VPS37A: variants seen among roughly 807,000 people sequenced by gnomAD.
The protein encoded by VPS37A is vacuolar protein sorting-associated protein 37A.
A neutral mutation model predicts 49.8 loss-of-function variants in VPS37A; 30 were observed. The observed-to-expected ratio is 0.60, with a 90% CI of 0.45 to 0.82. The LOEUF is 0.82. VPS37A is among the 40% of genes least tolerant of loss of function. The pLI is 0.00. For missense variants in VPS37A, 593 were observed against 464.4 expected (o/e 1.28, Z -2.55); for synonymous variants, 195 against 160.6 (o/e 1.21, Z -1.62).
chr8:17,315,260 T>C, the VPS37A span, among the ~76,000 whole-genome samples: 2 of 152,180 alleles, frequency 1.3e-5, no homozygotes, highest in Non-Finnish European at 2.9e-5. Context: ...ACATATTATA[T>C]GATGTCAACT....
chr8:17,325,590 G>A, the VPS37A span, among the ~76,000 whole-genome samples: 9 of 152,146 alleles, frequency 5.9e-5, no homozygotes, highest in Admixed American at 4.6e-4. Flanking sequence ...GAGCTGACGC[G>A]GGGCCTGCGT....
downstream of VPS37A, among the ~76,000 whole-genome samples, chr8:17,301,184 GAT>G (rs2150457880): frequency 6.6e-6 from 1 of 152,352 alleles, no homozygotes; most frequent in South Asian, 2.1e-4. Context: ...AAAAGAGATA[GAT>G]AAATACAGAC....
the VPS37A span, among the ~76,000 whole-genome samples, chr8:17,319,963 G>C: frequency 9.9e-5 from 15 of 152,196 alleles, no homozygotes; most frequent in South Asian, 2.5e-3. Context: ...TGTCTGATCA[G>C]GATTGAGATA....
the VPS37A span, among the ~76,000 whole-genome samples, chr8:17,325,085 AGG>A: frequency 0.012 from 1,771 of 152,240 alleles, 16 homozygotes; most frequent in Non-Finnish European, 0.02. Context: ...TAAAGACATG[AGG>A]TACGGAAGAA....
chr8:17,319,383 G>T, the VPS37A span, among the ~76,000 whole-genome samples: 3 of 152,214 alleles, frequency 2.0e-5, no homozygotes, highest in Non-Finnish European at 4.4e-5. Context: ...TCCAGCAGGG[G>T]TGTCCTGGGA....
intron 11 of VPS37A, among the ~76,000 whole-genome samples, chr8:17,290,209 G>A (rs1816008590): frequency 6.6e-6 from 1 of 152,040 alleles, no homozygotes; most frequent in Non-Finnish European, 1.5e-5. Context: ...TTGCCTCATT[G>A]CACTGGCCAG....
chr8:17,294,265 G>C (rs1816411790), intron 11 of VPS37A, among the ~76,000 whole-genome samples: 3 of 152,184 alleles, frequency 2.0e-5, no homozygotes, highest in Non-Finnish European at 4.4e-5. Context: ...GGGGAAAACA[G>C]ACTACTCAAA....
In VPS37A at chr8:17,280,361, A is replaced by T; in HGVS notation, c.901-14A>T. 6.2e-7 allele frequency: 1 copy of T among 1,603,328 alleles called. No individual in the cohort carries two copies. The highest frequency in any genetic ancestry group is 8.5e-7 in the Non-Finnish European group (1 of 1,176,820). On this transcript the variant is annotated splice_polypyrimidine_tract_variant and intron_variant, in intron 8 of 11. Coordinates refer to ENST00000324849, the MANE Select transcript of VPS37A (RefSeq NM_152415.3). ...AAAAATAGAATAAAACAACCTTTTC[A>T]TTTTCTCTTTTAGTATGAATTACTT...
At position 17,280,231 on chromosome 8, in the gene VPS37A, T is replaced by C; in HGVS notation, c.842-8T>C. On this transcript the variant is annotated splice_polypyrimidine_tract_variant and splice_region_variant and intron_variant, in intron 7 of 11. Coordinates refer to ENST00000324849, the MANE Select transcript of VPS37A (RefSeq NM_152415.3). ...TACCTAGAAGTAAACTAGAGATTTA[T>C]CTTACAGGAAAAAATCTCCTTTTGG... The C allele has an allele frequency of 6.2e-7, 1 of 1,612,634 alleles. No homozygotes were observed. Among genetic ancestry groups the C allele is most frequent in the African/African-American group, 1.3e-5 (1 of 74,986 alleles).
chr8:17,329,793 C>G, the VPS37A span, among the ~76,000 whole-genome samples: 3 of 152,178 alleles, frequency 2.0e-5, no homozygotes, highest in African/African-American at 7.2e-5. Flanking sequence ...GCATGATAAT[C>G]TCCAAAAGTT....
intron 4 of VPS37A, among the ~76,000 whole-genome samples, chr8:17,269,250 C>A (rs909885178): frequency 2.0e-5 from 3 of 152,022 alleles, no homozygotes; most frequent in African/African-American, 4.8e-5. Context: ...TTTCACTAAA[C>A]TTCCTTTCTC....
intron 11 of VPS37A, among the ~76,000 whole-genome samples, chr8:17,294,312 T>A (rs1431597078): frequency 6.6e-6 from 1 of 152,066 alleles, no homozygotes; most frequent in African/African-American, 2.4e-5. Flanking sequence ...CCCACCAAGC[T>A]CCAGCATCCC....
intron 10 of VPS37A, 109 bp downstream of exon 10, chr8:17,284,725 C>CT (rs1815424986): frequency 6.9e-6 from 9 of 1,300,896 alleles, no homozygotes; most frequent in Admixed American, 2.8e-5. Context: ...TATCATCCCC[C>CT]TTTTTTTGTA....
At chr8:17,301,813 GTACA>G, downstream of VPS37A, 1 of 334,968 alleles carries the variant, frequency 3.0e-6, no homozygotes, top group Non-Finnish European at 5.3e-6. Context: ...AGTTTTACAA[GTACA>G]TATATTTGAT....
At chr8:17,304,917 C>A (rs1452183126), downstream of VPS37A, among the ~76,000 whole-genome samples, 2 of 152,054 alleles carry the variant, frequency 1.3e-5, no homozygotes, top group South Asian at 4.1e-4. Context: ...GATGAAGAAA[C>A]TGAGGAATAG....
At chr8:17,264,946 A>G (rs1017940601) in intron 1 of VPS37A, among the ~76,000 whole-genome samples, 16 of 152,194 alleles carry the variant, frequency 1.1e-4, no homozygotes, top group Non-Finnish European at 4.4e-5. Context: ...ATGAATGTAG[A>G]ATGTTAAAGT....
At chr8:17,333,442 G>A in the VPS37A span, among the ~76,000 whole-genome samples, 2 of 152,220 alleles carry the variant, frequency 1.3e-5, no homozygotes, top group East Asian at 1.9e-4. Context: ...AAATTAATAG[G>A]AGATTTGAAA....
downstream of VPS37A, among the ~76,000 whole-genome samples, chr8:17,306,976 T>C (rs1033698551): frequency 1.3e-5 from 2 of 152,162 alleles, no homozygotes; most frequent in Non-Finnish European, 2.9e-5. Flanking sequence ...GACATAGGCA[T>C]GGGCAAGGAC....
chr8:17,275,032 T>A, intron 5 of VPS37A, 74 bp downstream of exon 5: 1 of 1,346,412 alleles, frequency 7.4e-7, no homozygotes, highest in Admixed American at 1.9e-5. Context: ...ATTACATGCC[T>A]CTGTGTGCCA....
Sources: allele counts gnomAD v4.1 joint callset (sites outside exome capture counted in the v4.1 genomes callset), GRCh38; gene constraint gnomAD v4.1.1; transcripts MANE v1.5; gene names NCBI Gene and HGNC (gene_info 2026-07-23, HGNC 2026-07-21).